KCNN2: variants seen among roughly 807,000 people sequenced by gnomAD.
KCNN2 encodes the protein potassium calcium-activated channel subfamily N member 2, also known as small conductance calcium-activated potassium channel protein 2.
Under a neutral mutation model 55.5 loss-of-function variants are expected in KCNN2, and 24 were observed. The ratio of observed to expected loss-of-function variants is 0.43; its 90% confidence interval spans 0.31 to 0.61. The LOEUF is 0.61. Ranked by LOEUF, KCNN2 falls within the 20% of genes least tolerant of loss-of-function variation. The pLI is 0.08. For missense variants in KCNN2, 754 were observed against 853.6 expected (o/e 0.88, Z 1.45); for synonymous variants, 431 against 336.1 (o/e 1.28, Z -3.09).
chr5:114,102,518 A>G (rs1315414938), intron 1 of KCNN2, among the ~76,000 whole-genome samples: 1 of 152,094 alleles, frequency 6.6e-6, no homozygotes, highest in South Asian at 2.1e-4. Context: ...GCCCATTCCT[A>G]TGTCCTGAAT....
At chr5:114,253,264 A>G (rs909597664) in intron 2 of KCNN2, among the ~76,000 whole-genome samples, 2 of 151,834 alleles carry the variant, frequency 1.3e-5, no homozygotes, top group African/African-American at 4.8e-5. Flanking sequence ...TAGAATTAAT[A>G]ATCTGAAGGG....
At chr5:114,191,758 T>G (rs1344350169) in intron 1 of KCNN2, among the ~76,000 whole-genome samples, 3 of 152,132 alleles carry the variant, frequency 2.0e-5, no homozygotes. Context: ...GTGGGGATAA[T>G]TTTGGCCTTG....
intron 2 of KCNN2, among the ~76,000 whole-genome samples, chr5:114,349,379 T>C (rs1015265836): frequency 4.6e-5 from 7 of 152,084 alleles, no homozygotes; most frequent in Non-Finnish European, 1.0e-4. Context: ...CCACACCTGA[T>C]ACCTTTGTTT....
At chr5:114,176,728 T>C (rs1753137640) in intron 1 of KCNN2, among the ~76,000 whole-genome samples, 1 of 152,182 alleles carries the variant, frequency 6.6e-6, no homozygotes, top group Non-Finnish European at 1.5e-5. Context: ...CCAAAGAGCA[T>C]TTGAGAAGCT....
chr5:114,222,225 C>T (rs1754154279), intron 2 of KCNN2, among the ~76,000 whole-genome samples: 1 of 152,148 alleles, frequency 6.6e-6, no homozygotes, highest in Admixed American at 6.5e-5. Context: ...TGAGGGGGAT[C>T]AGAGAAAATC....
chr5:114,085,904 A>G (rs1157832719), intron 1 of KCNN2, among the ~76,000 whole-genome samples: 1 of 152,098 alleles, frequency 6.6e-6, no homozygotes, highest in East Asian at 1.9e-4. Context: ...ATTTTGAAGC[A>G]CTGTCATTTG....
At chr5:114,305,410 G>T (rs998550531) in intron 2 of KCNN2, among the ~76,000 whole-genome samples, 1 of 152,120 alleles carries the variant, frequency 6.6e-6, no homozygotes, top group South Asian at 2.1e-4. Context: ...ATGGAGTGGG[G>T]GTTCCTTCCT....
At chr5:114,438,098 T>C (rs996618214) in intron 3 of KCNN2, among the ~76,000 whole-genome samples, 1 of 152,198 alleles carries the variant, frequency 6.6e-6, no homozygotes, top group Non-Finnish European at 1.5e-5. Flanking sequence ...CAGCTTTTCC[T>C]TCCTTGGAGA....
chr5:114,316,636 T>C (rs1319179044), intron 2 of KCNN2, among the ~76,000 whole-genome samples: 1 of 152,190 alleles, frequency 6.6e-6, no homozygotes, highest in Non-Finnish European at 1.5e-5. Context: ...TAATGGTGTA[T>C]GAAAAGCTGT....
At chr5:114,219,180 A>G (rs1437957621) in intron 1 of KCNN2, among the ~76,000 whole-genome samples, 2 of 152,228 alleles carry the variant, frequency 1.3e-5, no homozygotes, top group African/African-American at 2.4e-5. Context: ...CCCAGAGGGC[A>G]TGTGTTACAG....
At chr5:114,076,002 T>A (rs183538348) in intron 1 of KCNN2, among the ~76,000 whole-genome samples, 1 of 152,374 alleles carries the variant, frequency 6.6e-6, no homozygotes, top group Non-Finnish European at 1.5e-5. Flanking sequence ...TTTAAGTGTG[T>A]GTTCACTAGA....
chr5:114,064,576 C>A (rs1750403184), intron 1 of KCNN2, among the ~76,000 whole-genome samples: 3 of 152,172 alleles, frequency 2.0e-5, no homozygotes, highest in South Asian at 2.1e-4. Context: ...CGGCGAGTGA[C>A]CCCAGCTAAT....
intron 1 of KCNN2, among the ~76,000 whole-genome samples, chr5:114,180,160 A>T (rs1269742310): frequency 1.3e-5 from 2 of 152,196 alleles, no homozygotes; most frequent in Non-Finnish European, 2.9e-5. Context: ...TTGAGTTGAC[A>T]AATTCTTCAT....
chr5:114,203,222 T>A (rs1285501108), intron 1 of KCNN2, among the ~76,000 whole-genome samples: 1 of 152,208 alleles, frequency 6.6e-6, no homozygotes, highest in Non-Finnish European at 1.5e-5. Flanking sequence ...TATTTTAATA[T>A]TATGTCTCTT....
intron 2 of KCNN2, among the ~76,000 whole-genome samples, chr5:114,304,183 C>T (rs2150023530): frequency 6.6e-6 from 1 of 152,276 alleles, no homozygotes; most frequent in East Asian, 1.9e-4. Flanking sequence ...CTATTTTCAG[C>T]TAGAGCCAAC....
At chr5:114,280,046 G>A (rs1217366612) in intron 2 of KCNN2, among the ~76,000 whole-genome samples, 1 of 152,074 alleles carries the variant, frequency 6.6e-6, no homozygotes, top group Non-Finnish European at 1.5e-5. Context: ...TTCTCTGATG[G>A]CCAGTGATGA....
chr5:114,477,741 C>T (rs966642582), intron 5 of KCNN2, among the ~76,000 whole-genome samples: 1 of 152,170 alleles, frequency 6.6e-6, no homozygotes, highest in Admixed American at 6.5e-5. Context: ...CCCAGAATAC[C>T]TTTTTGGAAA....
chr5:114,192,155 G>C (rs543530196), intron 1 of KCNN2, among the ~76,000 whole-genome samples: 78 of 152,196 alleles, frequency 5.1e-4, no homozygotes, highest in African/African-American at 1.6e-3. Context: ...ATTTATTGAG[G>C]CTTCCATTTT....
intron 2 of KCNN2, among the ~76,000 whole-genome samples, chr5:114,289,758 G>C (rs1255005859): frequency 2.0e-5 from 3 of 152,124 alleles, no homozygotes; most frequent in Non-Finnish European, 2.9e-5. Context: ...GCTTTGGCTA[G>C]TATTGCCATC....
Sources: allele counts gnomAD v4.1 joint callset (sites outside exome capture counted in the v4.1 genomes callset), GRCh38; gene constraint gnomAD v4.1.1; transcripts MANE v1.5; gene names NCBI Gene and HGNC (gene_info 2026-07-23, HGNC 2026-07-21).